The following SLC9A9 variants were observed in gnomAD, a reference collection of about 807,000 sequenced individuals.
The protein encoded by SLC9A9 is sodium/hydrogen exchanger 9.
A neutral mutation model predicts 77.8 loss-of-function variants in SLC9A9; 62 were observed. That is an observed-to-expected ratio of 0.80 (90% CI 0.65 to 0.98). The LOEUF is 0.98. Ranked by LOEUF, SLC9A9 falls within the 50% of genes least tolerant of loss-of-function variation. The pLI, the probability that SLC9A9 is intolerant of heterozygous loss-of-function variation, is 0.00. For missense variants in SLC9A9, 775 were observed against 774.9 expected, an observed-to-expected ratio of 1.00 and a Z score of 0.00; for synonymous variants, 320 against 283.5, an observed-to-expected ratio of 1.13 and a Z score of -1.29.
At chr3:143,693,436 T>C in intron 4 of SLC9A9, 129 bp from the exon 5 acceptor site, 1 of 747,824 alleles carries the variant, frequency 1.3e-6, no homozygotes, top group Non-Finnish European at 2.4e-6. Flanking sequence ...TCCTGCCAAA[T>C]GACAGCCGTG....
intron 2 of SLC9A9, among the ~76,000 whole-genome samples, chr3:143,819,498 C>A (rs2009113633): frequency 6.6e-6 from 1 of 152,210 alleles, no homozygotes; most frequent in African/African-American, 2.4e-5. Context: ...GTAAATCAAA[C>A]TTGACCAAGT....
intron 9 of SLC9A9, chr3:143,517,406 C>T: frequency 6.5e-7 from 1 of 1,542,488 alleles, no homozygotes; most frequent in Non-Finnish European, 8.9e-7. Flanking sequence ...ATACTGTGCT[C>T]CTGACTGTCG....
intron 9 of SLC9A9, chr3:143,517,559 A>G: frequency 6.3e-7 from 1 of 1,597,486 alleles, no homozygotes; most frequent in East Asian, 2.2e-5. Flanking sequence ...CCTAGGTTGA[A>G]CTTCTTTCAG....
chr3:143,787,544 C>T (rs1188885443), intron 4 of SLC9A9, among the ~76,000 whole-genome samples: 2 of 152,104 alleles, frequency 1.3e-5, no homozygotes, highest in African/African-American at 4.8e-5. Flanking sequence ...TGAAAAGATA[C>T]CATATTACAT....
intron 4 of SLC9A9, among the ~76,000 whole-genome samples, chr3:143,790,954 A>G (rs932311384): frequency 6.6e-6 from 1 of 152,236 alleles, no homozygotes; most frequent in Non-Finnish European, 1.5e-5. Flanking sequence ...GGTACTAATG[A>G]GTTCTTAGAA....
At chr3:143,308,343 G>A (rs778944595) in intron 14 of SLC9A9, among the ~76,000 whole-genome samples, 26 of 152,234 alleles carry the variant, frequency 1.7e-4, no homozygotes, top group Non-Finnish European at 2.6e-4. Flanking sequence ...TTGGGAGGCC[G>A]AGGCGGGCGG....
chr3:143,846,811 C>T (rs112895158), intron 1 of SLC9A9, among the ~76,000 whole-genome samples: 2,429 of 150,740 alleles, frequency 0.016, 73 homozygotes, highest in African/African-American at 0.056. Context: ...ATGTGCACAA[C>T]GTGCAGGTTA....
At chr3:143,783,717 T>C (rs2007956685) in intron 4 of SLC9A9, among the ~76,000 whole-genome samples, 1 of 152,140 alleles carries the variant, frequency 6.6e-6, no homozygotes, top group African/African-American at 2.4e-5. Context: ...GATTTACTTC[T>C]GGGGGTGGAA....
At chr3:143,492,979 G>C (rs1456590311) in intron 11 of SLC9A9, among the ~76,000 whole-genome samples, 1 of 151,850 alleles carries the variant, frequency 6.6e-6, no homozygotes, top group African/African-American at 2.4e-5. Flanking sequence ...ATAATCTCCA[G>C]AGCTTTCAAG....
At chr3:143,795,868 A>T (rs1046402301) in intron 3 of SLC9A9, among the ~76,000 whole-genome samples, 1 of 152,204 alleles carries the variant, frequency 6.6e-6, no homozygotes, top group Non-Finnish European at 1.5e-5. Flanking sequence ...AATTTTTTCA[A>T]CTGCTTGCTT....
At chr3:143,669,285 G>A (rs569542646) in intron 5 of SLC9A9, among the ~76,000 whole-genome samples, 1 of 152,290 alleles carries the variant, frequency 6.6e-6, no homozygotes, top group Admixed American at 6.5e-5. Context: ...GAATGTGTGG[G>A]CTGGACACTG....
chr3:143,640,473 A>G (rs903059054), intron 6 of SLC9A9, among the ~76,000 whole-genome samples: 1 of 152,206 alleles, frequency 6.6e-6, no homozygotes, highest in Non-Finnish European at 1.5e-5. Context: ...GAGAGATAAC[A>G]TTTCAAACAA....
intron 11 of SLC9A9, among the ~76,000 whole-genome samples, chr3:143,484,913 A>G (rs1042208313): frequency 2.0e-5 from 3 of 152,218 alleles, no homozygotes; most frequent in African/African-American, 7.2e-5. Context: ...AGTAGGAAGT[A>G]CCAGAAATTT....
chr3:143,595,987 T>C (rs1158499165), intron 6 of SLC9A9, among the ~76,000 whole-genome samples: 1 of 152,174 alleles, frequency 6.6e-6, no homozygotes, highest in African/African-American at 2.4e-5. Context: ...AATGTTTTTA[T>C]GTTTCAGTCA....
chr3:143,675,723 T>C (rs189740638), intron 5 of SLC9A9, among the ~76,000 whole-genome samples: 83 of 152,346 alleles, frequency 5.4e-4, no homozygotes, highest in African/African-American at 1.9e-3. Flanking sequence ...ATAAAAATGA[T>C]TGGTTATTTT....
intron 9 of SLC9A9, among the ~76,000 whole-genome samples, chr3:143,510,948 T>A (rs2036106424): frequency 6.6e-6 from 1 of 152,224 alleles, no homozygotes; most frequent in Non-Finnish European, 1.5e-5. Context: ...TGTCTGCCTG[T>A]TCACTTCTCC....
At chr3:143,798,915 C>T (rs186318015) in intron 2 of SLC9A9, among the ~76,000 whole-genome samples, 2 of 152,204 alleles carry the variant, frequency 1.3e-5, no homozygotes, top group Admixed American at 1.3e-4. Flanking sequence ...GACCTCTCCC[C>T]TCCTCCCCAG....
At chr3:143,834,321 GCAAGAAGGGAACATAGAT>G (rs2009512258) in intron 1 of SLC9A9, among the ~76,000 whole-genome samples, 3 of 151,966 alleles carry the variant, frequency 2.0e-5, no homozygotes, top group Non-Finnish European at 4.4e-5. Flanking sequence ...CTAGTCAGGA[GCAAGAAGGGAACATAGAT>G]CATCTACACT....
intron 4 of SLC9A9, among the ~76,000 whole-genome samples, chr3:143,779,618 A>C (rs968426838): frequency 6.6e-6 from 1 of 152,092 alleles, no homozygotes; most frequent in Non-Finnish European, 1.5e-5. Context: ...TGATCCATCC[A>C]CTTCGGCCTC....
Sources: allele counts gnomAD v4.1 joint callset (sites outside exome capture counted in the v4.1 genomes callset), GRCh38; gene constraint gnomAD v4.1.1; transcripts MANE v1.5; gene names NCBI Gene and HGNC (gene_info 2026-07-23, HGNC 2026-07-21).